Variants in TMEM131 observed in about 807,000 individuals in gnomAD.
The protein encoded by TMEM131 is 2610524E03Rik.
In TMEM131, 66 loss-of-function variants were observed where a neutral mutation model predicts 211.6. The ratio of observed to expected loss-of-function variants is 0.31; its 90% confidence interval spans 0.26 to 0.38. The LOEUF (loss-of-function observed/expected upper bound fraction) is 0.38. TMEM131 is among the 10% of genes least tolerant of loss of function. TMEM131 has a pLI of 1.00. For missense variants in TMEM131, 2,036 were observed against 2,299.3 expected, an observed-to-expected ratio of 0.89 and a Z score of 2.34; for synonymous variants, 844 against 841.3, an observed-to-expected ratio of 1.00 and a Z score of -0.06.
At chr2:97,907,872 C>G (rs928975088) in intron 3 of TMEM131, among the ~76,000 whole-genome samples, 1 of 152,104 alleles carries the variant, frequency 6.6e-6, no homozygotes, top group African/African-American at 2.4e-5. Flanking sequence ...TTGTTTCTGG[C>G]AAACAGGAAG....
intron 2 of TMEM131, among the ~76,000 whole-genome samples, chr2:97,927,036 T>G (rs538909768): frequency 6.6e-6 from 1 of 152,350 alleles, no homozygotes; most frequent in East Asian, 1.9e-4. Context: ...TAAGATCATT[T>G]TTTAGTAGGA....
At chr2:97,941,161 A>T (rs1677708177) in intron 1 of TMEM131, among the ~76,000 whole-genome samples, 1 of 152,240 alleles carries the variant, frequency 6.6e-6, no homozygotes. Context: ...GCCCTCAGAA[A>T]TAATACAACA....
intron 1 of TMEM131, among the ~76,000 whole-genome samples, chr2:97,936,179 T>C (rs1023103395): frequency 2.0e-5 from 3 of 152,152 alleles, no homozygotes; most frequent in Non-Finnish European, 2.9e-5. Flanking sequence ...TTTTAAAAAT[T>C]TGGCTGCAGA....
At chr2:97,962,241 C>T (rs1347612974) in intron 1 of TMEM131, among the ~76,000 whole-genome samples, 18 of 152,168 alleles carry the variant, frequency 1.2e-4, no homozygotes, top group Admixed American at 1.2e-3. Flanking sequence ...CAGTGGCTCA[C>T]GCCTGTAATC....
rs1678727704 is a variant in TMEM131 at position 97,759,886 on chromosome 2, A to T, written c.5109-137T>A. The T allele has an allele frequency of 8.9e-6, 6 of 675,796 alleles. No individual in the cohort carries two copies. The South Asian group carries it at 1.1e-4, about 12-fold the overall frequency. 41.9% of individuals were successfully genotyped at this position (675,796 alleles called of 1,614,324 possible). A position where few individuals can be genotyped will look rare whatever the true frequency, so the allele number is the denominator to read the frequency against. ...TCAAATATTAAAAACAGACAAAAGG[A>T]AGAGCTGAACAATGGCTGCTTACCA... On this transcript the variant is annotated intron_variant, in intron 38 of 40. Coordinates refer to ENST00000186436, the MANE Select transcript of TMEM131 (RefSeq NM_015348.2).
chr2:97,758,760 A>G (rs1678649725), intron 40 of TMEM131, 133 bp downstream of exon 40: 14 of 1,199,974 alleles, frequency 1.2e-5, no homozygotes, highest in Admixed American at 2.7e-5. Flanking sequence ...GGAGACAATA[A>G]AAGTACTAAC....
Position 97,987,998 on chromosome 2 carries a change from A to C in TMEM131, c.187+7478T>G, listed in dbSNP as rs959914332. 9.8e-5 allele frequency among the ~76,000 whole-genome samples: 15 copies of C among 152,366 alleles called. No homozygotes were observed. The South Asian group carries it at 1.9e-3, about 19-fold the overall frequency. ...GAATCTCAAGGGACCCCAAATAGCC[A>C]AAATAATCTTGAAAAGGAAGAAGAC... On this transcript the variant is annotated intron_variant, in intron 1 of 40. Coordinates refer to ENST00000186436, the MANE Select transcript of TMEM131 (RefSeq NM_015348.2).
intron 1 of TMEM131, among the ~76,000 whole-genome samples, chr2:97,965,250 T>C (rs1336541194): frequency 1.3e-5 from 2 of 152,188 alleles, no homozygotes; most frequent in Admixed American, 6.5e-5. Context: ...ATATATCTTA[T>C]TGAATGACTG....
intron 4 of TMEM131, among the ~76,000 whole-genome samples, chr2:97,863,609 C>G (rs868785798): frequency 9.2e-5 from 14 of 152,056 alleles, no homozygotes; most frequent in Non-Finnish European, 1.3e-4. Context: ...AGGTATTTCT[C>G]AAAAGAAGAC....
chr2:97,833,178 C>T lies in TMEM131; in HGVS notation c.1074+187G>A, dbSNP rs926889908. ...TACTTTGAAAAGATTGCCCATTTCT[C>T]TCTCATCCTTAAAATCCGGGTGGCT... On this transcript the variant is annotated intron_variant, in intron 11 of 40. Coordinates refer to ENST00000186436, the MANE Select transcript of TMEM131 (RefSeq NM_015348.2). Among the ~76,000 whole-genome samples, 4 of 152,194 alleles carry T rather than the reference C, an allele frequency of 2.6e-5. No homozygotes were observed. In the East Asian group the frequency reaches 7.7e-4, roughly 29 times the overall value.
Position 97,837,156 on chromosome 2 carries a change from A to C in TMEM131, c.725T>G (p.Val242Gly). ...IHNPHSEPLQ[V>G]VEMYSSGGDL... ...TCCTCCACTAGAGTACATTTCTACA[A>C]CCTGGGGCAAAAGAGCACATGATGG... Residue 242 changes from valine (V) to glycine (G), a missense_variant and splice_region_variant, in exon 8 of 41, where the codon GTT (valine) becomes GGT (glycine). Physicochemically the swap from Val to Gly is moderately radical, Grantham distance 109. Transcript: ENST00000186436. 1.3e-6 allele frequency: 2 copies of C among 1,589,624 alleles called. No homozygotes were observed. Among genetic ancestry groups the C allele is most frequent in the Non-Finnish European group, 1.7e-6 (2 of 1,171,976 alleles).
At chr2:97,911,543 A>C in intron 2 of TMEM131, 2 of 715,856 alleles carry the variant, frequency 2.8e-6, no homozygotes, top group Non-Finnish European at 3.4e-6. Flanking sequence ...TGTATCACTC[A>C]TGTGCACTTT....
intron 2 of TMEM131, among the ~76,000 whole-genome samples, chr2:97,913,301 T>A (rs1001890326): frequency 2.0e-5 from 3 of 152,232 alleles, no homozygotes; most frequent in African/African-American, 7.2e-5. Flanking sequence ...TTTATAGAGA[T>A]ATCAATAATT....
intron 5 of TMEM131, among the ~76,000 whole-genome samples, chr2:97,858,259 C>T (rs1346812978): frequency 6.6e-6 from 1 of 152,088 alleles, no homozygotes; most frequent in Non-Finnish European, 1.5e-5. Context: ...GAAATTCGGT[C>T]CTATTCATTT....
At chr2:97,808,846 G>GAGA (rs1310382834) in intron 19 of TMEM131, among the ~76,000 whole-genome samples, 1 of 152,166 alleles carries the variant, frequency 6.6e-6, no homozygotes, top group Non-Finnish European at 1.5e-5. Context: ...CTTCAGAGAG[G>GAGA]AGATGACAAT....
At chr2:97,936,989 A>T (rs1677475168) in intron 1 of TMEM131, among the ~76,000 whole-genome samples, 3 of 152,206 alleles carry the variant, frequency 2.0e-5, no homozygotes, top group Admixed American at 1.3e-4. Flanking sequence ...AAAGCACAGT[A>T]ACTGAAATGA....
At chr2:97,886,655 T>C (rs914944296) in intron 4 of TMEM131, among the ~76,000 whole-genome samples, 2 of 152,098 alleles carry the variant, frequency 1.3e-5, no homozygotes, top group African/African-American at 4.8e-5. Context: ...CAGGGATGTG[T>C]GCATCCACAC....
At chr2:97,862,015 G>A (rs1430159145) in intron 4 of TMEM131, among the ~76,000 whole-genome samples, 1 of 152,172 alleles carries the variant, frequency 6.6e-6, no homozygotes, top group Non-Finnish European at 1.5e-5. Flanking sequence ...CCAGATCCAG[G>A]TGGCTCAGCA....
chr2:97,931,433 T>C (rs1193746230), intron 1 of TMEM131, among the ~76,000 whole-genome samples: 1 of 152,254 alleles, frequency 6.6e-6, no homozygotes, highest in Non-Finnish European at 1.5e-5. Flanking sequence ...AAAATATCTT[T>C]CACTTTAAAG....
Sources: gnomAD v4.1 joint callset for allele counts (sites outside exome capture counted in the v4.1 genomes callset) on GRCh38, gnomAD v4.1.1 for gene constraint, MANE v1.5 for transcripts, NCBI Gene and HGNC (gene_info 2026-07-23, HGNC 2026-07-21) for gene names.